Variants in TNRC18 observed in about 807,000 individuals in gnomAD.
The protein encoded by TNRC18 is trinucleotide repeat containing 18, also known as trinucleotide repeat-containing gene 18 protein.
A neutral mutation model predicts 226.7 loss-of-function variants in TNRC18; 69 were observed. The observed-to-expected ratio is 0.30, with a 90% CI of 0.25 to 0.37. The LOEUF (loss-of-function observed/expected upper bound fraction) is 0.37, where lower values mean the gene tolerates loss of function less well. TNRC18 is among the 10% of genes least tolerant of loss of function. TNRC18 has a pLI of 1.00. For missense variants in TNRC18, 4,754 were observed against 4,256.6 expected (o/e 1.12, Z -3.25); for synonymous variants, 2,449 against 1,927.6 (o/e 1.27, Z -7.09).
At position 5,362,681 on chromosome 7, in the gene TNRC18, T is replaced by C; in HGVS notation, c.4364A>G (p.Lys1455Arg). 1 of 1,589,812 alleles carries C rather than the reference T, an allele frequency of 6.3e-7. No individual in the cohort carries two copies. The highest frequency in any genetic ancestry group is 8.6e-7 in the Non-Finnish European group (1 of 1,169,012). Reference sequence around the variant, plus strand: ...CTCCTTCTTGCGCATCCAGCTGTACTTCTTGTTGGGCTTCAGCTCCCGCGG... The same window carrying C: ...CTCCTTCTTGCGCATCCAGCTGTACCTCTTGTTGGGCTTCAGCTCCCGCGG... ...RLPRELKPNK[K>R]YSWMRKKEER... The change falls in exon 12 of 30, where the codon AAG becomes AGG. Residue 1455 changes from lysine to arginine, a missense_variant. Physicochemically the swap from Lys to Arg is conservative, Grantham distance 26. Transcript: ENST00000430969.
intron 19 of TNRC18, among the ~76,000 whole-genome samples, chr7:5,325,836 A>C (rs1447810279): frequency 7.0e-6 from 1 of 143,580 alleles, no homozygotes; most frequent in Non-Finnish European, 1.5e-5. Flanking sequence ...TCCTGGGCTC[A>C]CGTTATCCTC....
Position 5,309,071 on chromosome 7 carries a change from C to G in TNRC18, c.8625+61G>C. 6.6e-7 allele frequency: 1 copy of G among 1,513,914 alleles called. No homozygotes were observed. Among genetic ancestry groups the G allele is most frequent in the African/African-American group, 1.4e-5 (1 of 72,466 alleles). The allele number at this position is 1,513,914 out of a possible 1,614,324, so 93.8% of individuals were successfully genotyped here. ...TGATGCTCCAGCACCCAGAACGCCT[C>G]GCCCTCAGGTCTGCCCTACACCGCC... On this transcript the variant is annotated intron_variant, in intron 28 of 29. Coordinates refer to ENST00000430969, the MANE Select transcript of TNRC18 (RefSeq NM_001080495.3). This position sits in a 1 kb window ranked among gnomAD's most constrained non-coding sequence, Gnocchi z 5.7.
At chr7:5,352,133 G>C (rs757101855) in intron 16 of TNRC18, 39 bp from the exon 17 acceptor site, 2 of 1,548,200 alleles carry the variant, frequency 1.3e-6, no homozygotes, top group Middle Eastern at 1.7e-4. Flanking sequence ...TAAGTCACAG[G>C]GCAGCAGGAG....
Position 5,313,034 on chromosome 7 carries a change from TGAG to T in TNRC18, c.7854_7856del (p.Ser2671del), listed in dbSNP as rs771656213. On this transcript the variant is annotated inframe_deletion, in exon 27 of 30. Transcript: ENST00000430969. ...AGGAGGAGGAGGAGGAGGAGGAGGA[TGAG>T]GAGGAGGAGGAGGAGGCCGGTGAGG... 982 of 773,170 alleles carry T rather than the reference TGAG, an allele frequency of 1.3e-3. No homozygotes were observed. Among genetic ancestry groups the T allele is most frequent in the Non-Finnish European group, 1.6e-3 (768 of 487,848 alleles). The allele number at this position is 773,170 out of a possible 1,614,324, so 47.9% of individuals were successfully genotyped here.
intron 18 of TNRC18, among the ~76,000 whole-genome samples, chr7:5,340,502 C>T (rs1242550983): frequency 1.3e-5 from 2 of 151,858 alleles, no homozygotes; most frequent in African/African-American, 2.4e-5. Context: ...TTTGGGAGGC[C>T]GAGGCGAGAG....
chr7:5,324,123 G>GC lies in TNRC18; in HGVS notation c.6442+90dup, dbSNP rs962052088. ...TGGTTCCCTGCCCCCAGCTAGCCCA[G>GC]CCCTTCAGTCTCAAGCCTTGCTCAG... On this transcript the variant is annotated intron_variant, in intron 21 of 29. Coordinates refer to ENST00000430969, the MANE Select transcript of TNRC18 (RefSeq NM_001080495.3). The surrounding 1 kb of genome is among the most constrained non-coding windows in gnomAD (Gnocchi z 4.8). 2.1e-6 allele frequency: 3 copies of GC among 1,400,272 alleles called. No homozygotes were observed. In the African/African-American group the frequency reaches 4.3e-5, roughly 20 times the overall value. 86.7% of individuals were successfully genotyped at this position (1,400,272 alleles called of 1,614,324 possible). A position where few individuals can be genotyped will look rare whatever the true frequency, so the allele number is the denominator to read the frequency against.
At chr7:5,401,623 A>T (rs1781097089) in intron 2 of TNRC18, among the ~76,000 whole-genome samples, 1 of 152,238 alleles carries the variant, frequency 6.6e-6, no homozygotes, top group Non-Finnish European at 1.5e-5. Flanking sequence ...TTGCCAGGAA[A>T]GCACCCAGAC....
At chr7:5,359,996 A>G (rs570805777) in intron 14 of TNRC18, among the ~76,000 whole-genome samples, 1 of 152,086 alleles carries the variant, frequency 6.6e-6, no homozygotes, top group South Asian at 2.1e-4. Flanking sequence ...AGGGAAAAAA[A>G]AAACGAAGAA....
At chr7:5,349,006 G>A (rs950921465) in intron 17 of TNRC18, among the ~76,000 whole-genome samples, 7 of 152,168 alleles carry the variant, frequency 4.6e-5, no homozygotes, top group Non-Finnish European at 1.0e-4. Flanking sequence ...GTGAGGCCAG[G>A]GATCTTCCCT....
chr7:5,370,341 G>GA (rs1562563180), intron 11 of TNRC18, 34 bp downstream of exon 11: 1 of 1,516,446 alleles, frequency 6.6e-7, no homozygotes, highest in Admixed American at 2.0e-5. Context: ...TAAAACTCAC[G>GA]AATCTGCAGA....
intron 27 of TNRC18, among the ~76,000 whole-genome samples, chr7:5,311,540 G>A (rs1787208687): frequency 6.6e-6 from 1 of 152,212 alleles, no homozygotes; most frequent in African/African-American, 2.4e-5. Context: ...ACAACAGGCT[G>A]TCAGGCCCCG....
intron 10 of TNRC18, among the ~76,000 whole-genome samples, chr7:5,372,395 A>C (rs1204645922): frequency 6.8e-6 from 1 of 146,478 alleles, no homozygotes; most frequent in African/African-American, 2.6e-5. Flanking sequence ...CTAATTTTTT[A>C]TATTTTTAGT....
intron 2 of TNRC18, among the ~76,000 whole-genome samples, chr7:5,396,240 C>T (rs1316790125): frequency 6.6e-6 from 1 of 150,698 alleles, no homozygotes; most frequent in Non-Finnish European, 1.5e-5. Context: ...TTTAGCTACT[C>T]GGGAGGCTGA....
chr7:5,393,743 G>C (rs1309162538), intron 3 of TNRC18, among the ~76,000 whole-genome samples: 1 of 152,202 alleles, frequency 6.6e-6, no homozygotes, highest in Non-Finnish European at 1.5e-5. Flanking sequence ...GAAAATCAAA[G>C]TGAGGCTCTA....
chr7:5,318,913 A>G (rs1369686331), intron 24 of TNRC18, among the ~76,000 whole-genome samples: 1 of 152,266 alleles, frequency 6.6e-6, no homozygotes, highest in Non-Finnish European at 1.5e-5. Flanking sequence ...TAACTCCCAC[A>G]GACTCTTCCT....
rs1157207928 is a variant in TNRC18, at chr7:5,334,724, GT to G, written c.5720-1676del. On this transcript the variant is annotated intron_variant, in intron 18 of 29. Coordinates refer to ENST00000430969, the MANE Select transcript of TNRC18 (RefSeq NM_001080495.3). ...CAGAATGAGGTACCACCCCGTAACA[GT>G]CCCCCCAGAGATCCACTGGAACACC... Among the ~76,000 whole-genome samples the G allele has an allele frequency of 1.4e-4, 22 of 152,176 alleles. No individual in the cohort carries two copies. The East Asian group carries it at 4.1e-3, about 28-fold the overall frequency.
At chr7:5,379,366 A>C (rs564144513) in intron 5 of TNRC18, among the ~76,000 whole-genome samples, 4 of 151,912 alleles carry the variant, frequency 2.6e-5, no homozygotes, top group African/African-American at 9.6e-5. Context: ...ATTGCACTCC[A>C]GCCTGGGTGA....
Position 5,313,331 on chromosome 7 carries a change from G to A in TNRC18, c.7560C>T (p.Ala2520=). The change falls in exon 27 of 30, where the codon GCC becomes GCT. Residue 2520 remains alanine (A), a synonymous_variant. Coordinates refer to ENST00000430969, the MANE Select transcript of TNRC18 (RefSeq NM_001080495.3). ...GCTCCTGGGCGAGGTCCCCGTCGGTGGCCTTGGGCCAGGGTGCCTTGGGCT... is the reference window on the plus strand; with the variant it reads ...GCTCCTGGGCGAGGTCCCCGTCGGTAGCCTTGGGCCAGGGTGCCTTGGGCT... ...SSEPKAPWPK[A]TDGDLAQEPG... is the part of the protein sequence containing the mutation. 6.4e-7 allele frequency: 1 copy of A among 1,553,996 alleles called. No individual in the cohort carries two copies. Among genetic ancestry groups the A allele is most frequent in the Non-Finnish European group, 8.7e-7 (1 of 1,149,824 alleles).
Position 5,377,447 on chromosome 7 carries a change from G to T in TNRC18, c.2385C>A (p.Pro795=). Residue 795 remains proline, a synonymous_variant, in exon 7 of 30, where the codon CCC becomes CCA. Transcript: ENST00000430969. This position sits in a 1 kb window ranked among gnomAD's most constrained non-coding sequence, Gnocchi z 5.8. ...LAGSGRWSAD[P]AAHLATHPWL... ...AGGGGTGCGTGGCCAGATGGGCTGC[G>T]GGGTCGGCAGACCAGCGACCTGAGC... 6.3e-7 allele frequency: 1 copy of T among 1,587,516 alleles called. No homozygotes were observed. The highest frequency in any genetic ancestry group is 2.3e-5 in the East Asian group (1 of 43,320).
Sources: gnomAD v4.1 joint callset for allele counts (sites outside exome capture counted in the v4.1 genomes callset) on GRCh38, gnomAD v4.1.1 for gene constraint, Gnocchi (gnomAD v3.1) non-coding constraint, MANE v1.5 for transcripts, NCBI Gene and HGNC (gene_info 2026-07-23, HGNC 2026-07-21) for gene names.